NRG1: variants seen among roughly 807,000 people sequenced by gnomAD.
NRG1 encodes the protein pro-neuregulin-1, membrane-bound isoform.
In NRG1, 18 loss-of-function variants were observed where a neutral mutation model predicts 63.8. The observed-to-expected ratio is 0.28, with a 90% CI of 0.19 to 0.42. The LOEUF (loss-of-function observed/expected upper bound fraction) is 0.42, where lower values mean the gene tolerates loss of function less well. Ranked by LOEUF, NRG1 falls within the 10% of genes least tolerant of loss-of-function variation. The pLI is 1.00. For synonymous variants in NRG1, 302 were observed against 301.3 expected (o/e 1.00, Z -0.02); for missense variants, 762 against 814.7 (o/e 0.94, Z 0.79).
chr8:32,757,190 TA>T (rs1829837629), intron 9 of NRG1, among the ~76,000 whole-genome samples: 1 of 152,242 alleles, frequency 6.6e-6, no homozygotes, highest in South Asian at 2.1e-4. Flanking sequence ...TTCAGTTTTT[TA>T]AATACAACTA....
chr8:32,085,991 A>G (rs1440126924), intron 1 of NRG1, among the ~76,000 whole-genome samples: 1 of 152,182 alleles, frequency 6.6e-6, no homozygotes, highest in Non-Finnish European at 1.5e-5. Flanking sequence ...GCTCCTTAGT[A>G]GAAGAGAGAA....
At chr8:32,566,565 A>G (rs1837491922) in intron 1 of NRG1, among the ~76,000 whole-genome samples, 1 of 152,110 alleles carries the variant, frequency 6.6e-6, no homozygotes, top group African/African-American at 2.4e-5. Flanking sequence ...TGCTTTGTCC[A>G]GGTATTTTGC....
At chr8:32,228,544 G>GT (rs1167373295) in intron 1 of NRG1, among the ~76,000 whole-genome samples, 1 of 152,012 alleles carries the variant, frequency 6.6e-6, no homozygotes, top group African/African-American at 2.4e-5. Context: ...TCATTTATTA[G>GT]TTTTTTAATT....
At position 32,227,168 on chromosome 8, in the gene NRG1, A is replaced by G. The variant is rs1846410900; in HGVS notation, c.38-368660A>G. On this transcript the variant is annotated intron_variant, in intron 1 of 10. Transcript: ENST00000519301. ...TTCCAACTGTGGGAGTGTTTCACTC[A>G]CAGGATTGTGCTTTCTTCTAAGAGC... Among the ~76,000 whole-genome samples, 7 of 152,200 alleles carry G rather than the reference A, an allele frequency of 4.6e-5. No homozygotes were observed. In the South Asian group the frequency reaches 6.2e-4, roughly 13 times the overall value.
chr8:32,431,897 T>C (rs1391403899), intron 1 of NRG1, among the ~76,000 whole-genome samples: 2 of 152,166 alleles, frequency 1.3e-5, no homozygotes, highest in Non-Finnish European at 2.9e-5. Flanking sequence ...ATATTTACCC[T>C]ATGGGACTGT....
chr8:32,149,527 T>A (rs1286950948), intron 1 of NRG1, among the ~76,000 whole-genome samples: 6 of 152,210 alleles, frequency 3.9e-5, no homozygotes, highest in Non-Finnish European at 5.9e-5. Flanking sequence ...TTAATACAAA[T>A]TTCTCTGTAG....
At chr8:32,701,930 T>G (rs924675333) in intron 5 of NRG1, among the ~76,000 whole-genome samples, 1 of 152,238 alleles carries the variant, frequency 6.6e-6, no homozygotes, top group Non-Finnish European at 1.5e-5. Context: ...ATCACAAATG[T>G]GACTTTTCCT....
At chr8:32,414,468 G>A (rs1007332601) in intron 1 of NRG1, among the ~76,000 whole-genome samples, 1 of 152,138 alleles carries the variant, frequency 6.6e-6, no homozygotes, top group Admixed American at 6.5e-5. Context: ...TGTTGTAAAT[G>A]CTTTGCATAG....
chr8:32,372,698 G>A (rs761943799), intron 1 of NRG1, among the ~76,000 whole-genome samples: 1 of 152,158 alleles, frequency 6.6e-6, no homozygotes, highest in Non-Finnish European at 1.5e-5. Flanking sequence ...TGAATCTGGG[G>A]AGAAGTCAGC....
At chr8:32,684,675 T>G (rs1461522271) in intron 5 of NRG1, among the ~76,000 whole-genome samples, 2 of 152,158 alleles carry the variant, frequency 1.3e-5, no homozygotes, top group Non-Finnish European at 2.9e-5. Flanking sequence ...TGGGGGAACC[T>G]TTCTACTTCT....
chr8:31,663,788 GT>G (rs554281064), intron 1 of NRG1, among the ~76,000 whole-genome samples: 47 of 152,010 alleles, frequency 3.1e-4, no homozygotes, highest in Non-Finnish European at 5.3e-4. Context: ...TCTGTGGTTA[GT>G]TTTTTTCTCC....
chr8:32,105,817 T>A (rs1831187784), intron 1 of NRG1, among the ~76,000 whole-genome samples: 1 of 152,182 alleles, frequency 6.6e-6, no homozygotes, highest in South Asian at 2.1e-4. Context: ...TTATCATTAA[T>A]AATAATTTAT....
chr8:32,667,908 A>G (rs970934416), intron 5 of NRG1, among the ~76,000 whole-genome samples: 1 of 152,002 alleles, frequency 6.6e-6, no homozygotes, highest in Non-Finnish European at 1.5e-5. Context: ...TCATTATGCC[A>G]CTCCTTTAAA....
intron 5 of NRG1, among the ~76,000 whole-genome samples, chr8:32,650,745 C>T (rs1283159587): frequency 1.4e-5 from 2 of 147,724 alleles, no homozygotes; most frequent in South Asian, 2.2e-4. Context: ...AGAACTGGGA[C>T]GTTCCTTTTC....
At chr8:31,658,358 A>G (rs1805633118) in intron 1 of NRG1, among the ~76,000 whole-genome samples, 1 of 152,112 alleles carries the variant, frequency 6.6e-6, no homozygotes, top group Admixed American at 6.5e-5. Context: ...TCTAAACTTT[A>G]TTTTTAGTTT....
intron 1 of NRG1, among the ~76,000 whole-genome samples, chr8:32,390,078 G>A (rs920447016): frequency 6.6e-6 from 1 of 151,956 alleles, no homozygotes; most frequent in Non-Finnish European, 1.5e-5. Flanking sequence ...CTTACTGTTC[G>A]TCATTTTTTT....
chr8:31,712,706 T>C (rs1469580037), intron 1 of NRG1, among the ~76,000 whole-genome samples: 1 of 152,218 alleles, frequency 6.6e-6, no homozygotes, highest in East Asian at 1.9e-4. Flanking sequence ...CTCTTTTTTT[T>C]CTTATAGTAA....
chr8:31,727,247 G>A (rs150926225), intron 1 of NRG1, among the ~76,000 whole-genome samples: 3 of 152,232 alleles, frequency 2.0e-5, no homozygotes, highest in African/African-American at 7.2e-5. Context: ...TGTGGTATGT[G>A]CATGTTTCCA....
chr8:32,754,513 G>T (rs749625276), intron 8 of NRG1, 39 bp downstream of exon 8: 1 of 1,583,772 alleles, frequency 6.3e-7, no homozygotes, highest in Admixed American at 1.7e-5. Flanking sequence ...TCTCCTTCAT[G>T]CAGAGACAGC....
Sources: gnomAD v4.1 joint callset for allele counts (sites outside exome capture counted in the v4.1 genomes callset) on GRCh38, gnomAD v4.1.1 for gene constraint, MANE v1.5 for transcripts, NCBI Gene and HGNC (gene_info 2026-07-23, HGNC 2026-07-21) for gene names.